Variants in SH3GL3 observed in about 807,000 individuals in gnomAD.
The protein encoded by SH3GL3 is SH3 domain containing GRB2 like 3, endophilin A3.
In SH3GL3, 33 loss-of-function variants were observed where a neutral mutation model predicts 47.7. The observed-to-expected ratio is 0.69, with a 90% CI of 0.52 to 0.92. The LOEUF is 0.92. SH3GL3 is among the 40% of genes least tolerant of loss of function. SH3GL3 has a pLI of 0.00. For missense variants in SH3GL3, 363 were observed against 417.8 expected, an observed-to-expected ratio of 0.87 and a Z score of 1.14; for synonymous variants, 155 against 148.8, an observed-to-expected ratio of 1.04 and a Z score of -0.30.
chr15:83,468,174 T>C (rs1043120039), intron 1 of SH3GL3, among the ~76,000 whole-genome samples: 5 of 152,218 alleles, frequency 3.3e-5, no homozygotes, highest in African/African-American at 4.8e-5. Flanking sequence ...TTATTGCTAG[T>C]GTATGAAGAT....
intron 8 of SH3GL3, chr15:83,609,140 C>A: frequency 2.6e-6 from 1 of 385,624 alleles, no homozygotes; most frequent in Non-Finnish European, 5.3e-6. Flanking sequence ...TCATTGCTAC[C>A]TCACAGGATT....
intron 1 of SH3GL3, among the ~76,000 whole-genome samples, chr15:83,541,917 CTT>C: frequency 6.6e-6 from 1 of 152,214 alleles, no homozygotes; most frequent in South Asian, 2.1e-4. Context: ...TGTGGGTTGT[CTT>C]TTGACTTTGT....
intron 1 of SH3GL3, among the ~76,000 whole-genome samples, chr15:83,541,355 A>T (rs1414948964): frequency 3.3e-5 from 2 of 60,340 alleles, no homozygotes; most frequent in East Asian, 1.0e-3. Context: ...TTTTTTTGAG[A>T]CGGAGTCTCG....
intron 5 of SH3GL3, among the ~76,000 whole-genome samples, chr15:83,576,361 G>A (rs1471922907): frequency 2.0e-5 from 3 of 152,114 alleles, no homozygotes; most frequent in East Asian, 1.9e-4. Flanking sequence ...TTCTATCACC[G>A]ATCTGTCCAT....
intron 1 of SH3GL3, among the ~76,000 whole-genome samples, chr15:83,540,997 A>C (rs367770368): frequency 6.6e-6 from 1 of 152,048 alleles, no homozygotes; most frequent in Non-Finnish European, 1.5e-5. Flanking sequence ...CATGAGTTCA[A>C]TTGTTTAAAT....
At chr15:83,510,237 C>T (rs557825018) in intron 1 of SH3GL3, among the ~76,000 whole-genome samples, 1 of 152,218 alleles carries the variant, frequency 6.6e-6, no homozygotes, top group South Asian at 2.1e-4. Flanking sequence ...TGCAGGATTG[C>T]TTCATGTAGA....
At chr15:83,578,682 T>C (rs1318588630) in intron 6 of SH3GL3, among the ~76,000 whole-genome samples, 2 of 152,036 alleles carry the variant, frequency 1.3e-5, no homozygotes, top group Admixed American at 1.3e-4. Flanking sequence ...TACATTTTTT[T>C]TGGGAAATAG....
chr15:83,535,157 A>T (rs563041542), intron 1 of SH3GL3, among the ~76,000 whole-genome samples: 1 of 152,284 alleles, frequency 6.6e-6, no homozygotes, highest in African/African-American at 2.4e-5. Context: ...TATTTAAAAC[A>T]AGCTGTTCTT....
chr15:83,587,119 G>A (rs753005984), intron 7 of SH3GL3, 33 bp downstream of exon 7: 4 of 1,157,138 alleles, frequency 3.5e-6, no homozygotes, highest in Non-Finnish European at 5.1e-6. Flanking sequence ...CAAGCCAAGG[G>A]CTGCGGAGGT....
At chr15:83,474,162 T>G (rs1284080088) in intron 1 of SH3GL3, among the ~76,000 whole-genome samples, 1 of 152,212 alleles carries the variant, frequency 6.6e-6, no homozygotes, top group Non-Finnish European at 1.5e-5. Flanking sequence ...TCTTAGCGGA[T>G]GTTACTGTCT....
rs539373827 is a variant in SH3GL3, at chr15:83,472,407, C to A, written c.45+24829C>A. On this transcript the variant is annotated intron_variant, in intron 1 of 8. Coordinates refer to ENST00000427482, the MANE Select transcript of SH3GL3 (RefSeq NM_003027.5). The stretch of plus-strand genomic sequence containing the variant: ...TGTTCTTTGTCTTATTTTTTTCCTG[C>A]AGTTTATTTTCTCTCTGTTGTTCAG... Among the ~76,000 whole-genome samples the A allele has an allele frequency of 2.0e-5, 3 of 152,200 alleles. No homozygotes were observed. In the East Asian group the frequency reaches 5.8e-4, roughly 29 times the overall value.
At chr15:83,500,532 G>C (rs1305394517) in intron 1 of SH3GL3, among the ~76,000 whole-genome samples, 2 of 152,194 alleles carry the variant, frequency 1.3e-5, no homozygotes, top group Non-Finnish European at 2.9e-5. Flanking sequence ...TCTTGGGTGA[G>C]ATGCTGCATT....
intron 1 of SH3GL3, among the ~76,000 whole-genome samples, chr15:83,494,751 C>A (rs985119249): frequency 4.6e-5 from 7 of 152,148 alleles, no homozygotes; most frequent in African/African-American, 1.4e-4. Context: ...CCATGTTGGC[C>A]AGGCTGGTCT....
chr15:83,549,782 C>T (rs1432631688), intron 1 of SH3GL3, among the ~76,000 whole-genome samples: 1 of 152,162 alleles, frequency 6.6e-6, no homozygotes, highest in Non-Finnish European at 1.5e-5. Context: ...TCCTTGGTTA[C>T]AGTGTATTCC....
chr15:83,503,454 G>A (rs879906637), intron 1 of SH3GL3, among the ~76,000 whole-genome samples: 12 of 152,144 alleles, frequency 7.9e-5, no homozygotes, highest in Non-Finnish European at 1.3e-4. Flanking sequence ...AGATATTTAA[G>A]TTGTTACCAG....
At chr15:83,482,180 T>C (rs536684895) in intron 1 of SH3GL3, among the ~76,000 whole-genome samples, 2 of 152,350 alleles carry the variant, frequency 1.3e-5, no homozygotes, top group African/African-American at 4.8e-5. Context: ...TTTGATATTT[T>C]CCATTTTTAA....
chr15:83,564,910 G>C (rs1331778752), intron 2 of SH3GL3, among the ~76,000 whole-genome samples: 1 of 152,012 alleles, frequency 6.6e-6, no homozygotes, highest in Non-Finnish European at 1.5e-5. Context: ...AATGTTTAAA[G>C]GGAAAGTAAA....
chr15:83,595,088 C>T (rs953417216), intron 8 of SH3GL3, among the ~76,000 whole-genome samples: 2 of 152,092 alleles, frequency 1.3e-5, no homozygotes, highest in African/African-American at 2.4e-5. Context: ...ATAGCAAAGG[C>T]GTGGAATCAA....
intron 1 of SH3GL3, among the ~76,000 whole-genome samples, chr15:83,514,995 C>G (rs1206817280): frequency 6.6e-6 from 1 of 152,044 alleles, no homozygotes; most frequent in Non-Finnish European, 1.5e-5. Context: ...CACATGACCT[C>G]TAGAAGCTAG....
Sources: allele counts gnomAD v4.1 joint callset (sites outside exome capture counted in the v4.1 genomes callset), GRCh38; gene constraint gnomAD v4.1.1; transcripts MANE v1.5; gene names NCBI Gene and HGNC (gene_info 2026-07-23, HGNC 2026-07-21).